Variants in MYO9B observed in about 807,000 individuals in gnomAD.
MYO9B encodes the protein unconventional myosin-IXb.
A neutral mutation model predicts 229.5 loss-of-function variants in MYO9B; 71 were observed. The observed-to-expected ratio is 0.31, with a 90% CI of 0.26 to 0.38. MYO9B has a LOEUF of 0.38. MYO9B is among the 10% of genes least tolerant of loss of function. The pLI, the probability that MYO9B is intolerant of heterozygous loss-of-function variation, is 1.00. For synonymous variants in MYO9B, 1,185 were observed against 1,235.8 expected, an observed-to-expected ratio of 0.96 and a Z score of 0.86; for missense variants, 2,255 against 2,920.5, an observed-to-expected ratio of 0.77 and a Z score of 5.25.
intron 14 of MYO9B, among the ~76,000 whole-genome samples, chr19:17,176,224 G>A (rs1451965840): frequency 6.6e-6 from 1 of 152,022 alleles, no homozygotes; most frequent in African/African-American, 2.4e-5. Context: ...TTTAACTAGA[G>A]ACGGGGTTTC....
intron 2 of MYO9B, among the ~76,000 whole-genome samples, chr19:17,122,412 A>G (rs1243056885): frequency 6.6e-6 from 1 of 151,676 alleles, no homozygotes; most frequent in Non-Finnish European, 1.5e-5. Context: ...GGTGGCATGC[A>G]CCTGTAATCC....
chr19:17,121,238 T>C (rs1212230951), intron 2 of MYO9B, among the ~76,000 whole-genome samples: 2 of 152,064 alleles, frequency 1.3e-5, no homozygotes, highest in African/African-American at 4.8e-5. Flanking sequence ...CCACGGCGCC[T>C]GGCCTGTTGT....
rs899017766 is a variant in MYO9B, at chr19:17,154,977, A to T, written c.1199+562A>T. Among the ~76,000 whole-genome samples the T allele has an allele frequency of 3.9e-5, 6 of 151,964 alleles. No individual in the cohort carries two copies. The South Asian group carries it at 1.2e-3, about 32-fold the overall frequency. On this transcript the variant is annotated intron_variant, in intron 6 of 39. Transcript: ENST00000682292. ...ACAGAGCGAGACCCAGTCTCAAAAA[A>T]AAAAGAATGCTGGGTACGGTTGTTC...
At chr19:17,190,064 CAAAAA>C (rs36086676) in intron 19 of MYO9B, among the ~76,000 whole-genome samples, 6 of 127,150 alleles carry the variant, frequency 4.7e-5, no homozygotes, top group African/African-American at 8.4e-5. Flanking sequence ...GACTCCGTCT[CAAAAA>C]AAAAAAAAAA....
At chr19:17,081,373 G>A (rs776300172) in intron 1 of MYO9B, among the ~76,000 whole-genome samples, 25 of 152,280 alleles carry the variant, frequency 1.6e-4, no homozygotes, top group Middle Eastern at 6.8e-3. Flanking sequence ...GGAAATGATC[G>A]TGTCAATAGA....
At chr19:17,140,996 C>G (rs2145213853) in intron 2 of MYO9B, among the ~76,000 whole-genome samples, 1 of 151,588 alleles carries the variant, frequency 6.6e-6, no homozygotes, top group Middle Eastern at 3.4e-3. Flanking sequence ...CCCAGCTACT[C>G]AGGAGGCTGA....
At chr19:17,083,135 A>G (rs1600014027) in intron 1 of MYO9B, among the ~76,000 whole-genome samples, 1 of 150,814 alleles carries the variant, frequency 6.6e-6, no homozygotes, top group East Asian at 2.0e-4. Context: ...CCTGGGCTCA[A>G]GTGATCGTCC....
chr19:17,152,431 C>T (rs1265432293), intron 3 of MYO9B, among the ~76,000 whole-genome samples: 2 of 138,578 alleles, frequency 1.4e-5, no homozygotes, highest in Non-Finnish European at 3.2e-5. Context: ...GGTTGGCACA[C>T]CCCTGTAGTT....
chr19:17,113,254 G>A (rs2057865856), intron 2 of MYO9B, among the ~76,000 whole-genome samples: 2 of 152,184 alleles, frequency 1.3e-5, no homozygotes, highest in Admixed American at 1.3e-4. Context: ...TGGGCAGCAA[G>A]CTTGGGCTCA....
intron 1 of MYO9B, among the ~76,000 whole-genome samples, chr19:17,088,371 C>G (rs112405865): frequency 1.3e-5 from 2 of 152,350 alleles, no homozygotes; most frequent in African/African-American, 2.4e-5. Flanking sequence ...TATTTCCAAA[C>G]AAGGTCACAT....
intron 14 of MYO9B, chr19:17,177,911 C>T (rs2072808891): frequency 6.6e-6 from 1 of 152,626 alleles, no homozygotes; most frequent in Non-Finnish European, 1.5e-5. Flanking sequence ...GGCCTTTGAT[C>T]CCGAGGCCAG....
intron 2 of MYO9B, 35 bp downstream of exon 2, chr19:17,102,592 G>C (rs1450796596): frequency 1.3e-6 from 2 of 1,508,048 alleles, no homozygotes; most frequent in African/African-American, 1.4e-5. Flanking sequence ...GTGGGAGGGG[G>C]CATTTGTTTG....
chr19:17,196,695 A>C (rs889013822), intron 22 of MYO9B, among the ~76,000 whole-genome samples: 7 of 151,972 alleles, frequency 4.6e-5, no homozygotes, highest in African/African-American at 1.7e-4. Context: ...AAAAAAAAAA[A>C]AAAGTAGAGA....
rs1189682798 is a variant in MYO9B at position 17,212,610 on chromosome 19, G to A, written c.*300G>A. 7 of 400,506 alleles carry A rather than the reference G, an allele frequency of 1.7e-5. No homozygotes were observed. The highest frequency in any genetic ancestry group is 2.7e-5 in the Non-Finnish European group (6 of 225,908). The allele number at this position is 400,506 out of a possible 1,614,324, so 24.8% of individuals were successfully genotyped here. A position where few individuals can be genotyped will look rare whatever the true frequency, so the allele number is the denominator to read the frequency against. On this transcript the variant is annotated 3_prime_UTR_variant, in exon 40 of 40. Transcript: ENST00000682292. The surrounding 1 kb of genome is among the most constrained non-coding windows in gnomAD (Gnocchi z 5.4). ...TGTACGTTTAACTGTTTCTTTGTACGTGGTTTACGTAACTTTAAACTGTAA... is the reference window on the plus strand; with the variant it reads ...TGTACGTTTAACTGTTTCTTTGTACATGGTTTACGTAACTTTAAACTGTAA...
At chr19:17,136,660 C>T (rs942645777) in intron 2 of MYO9B, among the ~76,000 whole-genome samples, 10 of 152,098 alleles carry the variant, frequency 6.6e-5, no homozygotes, top group Non-Finnish European at 4.4e-5. Flanking sequence ...AGGACGCCCC[C>T]ATCACACAGG....
intron 2 of MYO9B, among the ~76,000 whole-genome samples, chr19:17,137,532 C>G (rs1385645373): frequency 6.6e-6 from 1 of 152,134 alleles, no homozygotes; most frequent in African/African-American, 2.4e-5. Flanking sequence ...TCTCTGGGGC[C>G]CCCTCCTTAT....
intron 14 of MYO9B, among the ~76,000 whole-genome samples, chr19:17,178,127 G>T (rs879791282): frequency 2.6e-5 from 4 of 152,228 alleles, no homozygotes; most frequent in Non-Finnish European, 5.9e-5. Context: ...ACCACCCTGG[G>T]TGTGAAGGCC....
In MYO9B at chr19:17,182,657, C is replaced by T. The variant is rs116624123; in HGVS notation, c.2334-1172C>T. ...CTGACCTCAAATGATCCGCCCACCT[C>T]GGCCTCAAACTTTTGTCCTTGTTGT... On this transcript the variant is annotated intron_variant, in intron 15 of 39. Coordinates refer to ENST00000682292, the MANE Select transcript of MYO9B (RefSeq NM_004145.4). Among the ~76,000 whole-genome samples, 1,268 of 152,026 alleles carry T rather than the reference C, an allele frequency of 8.3e-3. 13 individuals carry two copies. Among genetic ancestry groups the T allele is most frequent in the African/African-American group, 0.028 (1,152 of 41,456 alleles).
chr19:17,167,904 G>T, intron 10 of MYO9B, 39 bp from the exon 11 acceptor site: 1 of 1,550,210 alleles, frequency 6.5e-7, no homozygotes. Flanking sequence ...TACATATCTG[G>T]GAGATAAGAA....
Sources: gnomAD v4.1 joint callset for allele counts (sites outside exome capture counted in the v4.1 genomes callset) on GRCh38, gnomAD v4.1.1 for gene constraint, Gnocchi (gnomAD v3.1) non-coding constraint, MANE v1.5 for transcripts, NCBI Gene and HGNC (gene_info 2026-07-23, HGNC 2026-07-21) for gene names.